SQSTM1: variants seen among roughly 807,000 people sequenced by gnomAD.
The protein encoded by SQSTM1 is sequestosome-1.
In SQSTM1, 36 loss-of-function variants were observed where a neutral mutation model predicts 45.1. That is an observed-to-expected ratio of 0.80 (90% CI 0.61 to 1.05). The LOEUF (loss-of-function observed/expected upper bound fraction) is 1.05, where lower values mean the gene tolerates loss of function less well. Ranked by LOEUF, SQSTM1 falls within the 50% of genes least tolerant of loss-of-function variation. The probability of loss-of-function intolerance (pLI) is 0.00; values close to 1 mark genes in which losing one functional copy is unlikely to be tolerated. For synonymous variants in SQSTM1, 290 were observed against 244.3 expected, an observed-to-expected ratio of 1.19 and a Z score of -1.74; for missense variants, 617 against 607.1, an observed-to-expected ratio of 1.02 and a Z score of -0.17.
intron 5 of SQSTM1, among the ~76,000 whole-genome samples, chr5:179,828,827 A>G (rs1758103484): frequency 6.6e-6 from 1 of 151,282 alleles, no homozygotes; most frequent in Admixed American, 6.6e-5. Context: ...CACAAAAAAG[A>G]AAACACCATA....
chr5:179,817,294 C>T (rs1387022285), upstream of SQSTM1, among the ~76,000 whole-genome samples: 1 of 152,220 alleles, frequency 6.6e-6, no homozygotes, highest in African/African-American at 2.4e-5. Context: ...GTGGTTCCTG[C>T]TCCGCGTCGT....
chr5:179,831,824 A>G (rs1256626834), intron 5 of SQSTM1, among the ~76,000 whole-genome samples: 1 of 150,322 alleles, frequency 6.7e-6, no homozygotes, highest in African/African-American at 2.4e-5. Flanking sequence ...TTGCTCTGTC[A>G]CCAGGCTGGA....
intron 7 of SQSTM1, among the ~76,000 whole-genome samples, chr5:179,834,345 T>C (rs1758404671): frequency 6.6e-6 from 1 of 152,062 alleles, no homozygotes; most frequent in Non-Finnish European, 1.5e-5. Flanking sequence ...CCGCTGTGTG[T>C]CTTCTCTGCC....
Position 179,823,987 on chromosome 5 carries a change from T to A in SQSTM1, c.431T>A (p.Val144Asp), listed in dbSNP as rs1442832120. 8.1e-6 allele frequency: 13 copies of A among 1,613,916 alleles called. No homozygotes were observed. Among genetic ancestry groups the A allele is most frequent in the Non-Finnish European group, 9.3e-6 (11 of 1,180,040 alleles). The change falls in exon 3 of 8, where the codon GTC becomes GAC. Residue 144 changes from valine (V) to aspartate (D), a missense_variant. By Grantham distance (152) the Val-to-Asp change is radical. Transcript: ENST00000389805. ...GTAGGAACCCGCTACAAGTGCAGCG[T>A]CTGCCCAGACTACGACTTGTGTAGC... ...PVVGTRYKCS[V>D]CPDYDLCSVC...
chr5:179,836,767 C>CTGTGTGTG lies in SQSTM1; in HGVS notation c.*181_*188dup. On this transcript the variant is annotated 3_prime_UTR_variant, in exon 8 of 8. Coordinates refer to ENST00000389805, the MANE Select transcript of SQSTM1 (RefSeq NM_003900.5). ...AACAAGTGACATGAAGGGAGGGTCCCTGTGTGTGTGTGTGCTGATGTTTCC... is the reference window on the plus strand; with the variant it reads ...AACAAGTGACATGAAGGGAGGGTCCCTGTGTGTGTGTGTGTGTGTGTGCTGATGTTTCC... 1.1e-6 allele frequency: 1 copy of CTGTGTGTG among 944,844 alleles called. No individual in the cohort carries two copies. The highest frequency in any genetic ancestry group is 1.4e-5 in the South Asian group (1 of 72,452). 58.5% of individuals were successfully genotyped at this position (944,844 alleles called of 1,614,324 possible). A position where few individuals can be genotyped will look rare whatever the true frequency, so the allele number is the denominator to read the frequency against.
In SQSTM1 at chr5:179,824,037, C is replaced by T. The variant is rs758625124; in HGVS notation, c.481C>T (p.Arg161Trp). 3.6e-5 allele frequency: 58 copies of T among 1,613,958 alleles called. No individual in the cohort carries two copies. Among genetic ancestry groups the T allele is most frequent in the Admixed American group, 3.0e-4 (18 of 60,032 alleles). ...CGTCTGCGAGGGAAAGGGCTTGCAC[C>T]GGGGGCACACCAAGCTCGCATTCCC... ...CSVCEGKGLH[R>W]GHTKLAFPSP... Residue 161 changes from arginine (R) to tryptophan (W), a missense_variant, in exon 3 of 8, where the codon CGG becomes TGG. Coordinates refer to ENST00000389805, the MANE Select transcript of SQSTM1 (RefSeq NM_003900.5).
upstream of SQSTM1, chr5:179,820,077 C>A: frequency 6.5e-6 from 1 of 152,900 alleles, no homozygotes; most frequent in Non-Finnish European, 1.5e-5. Flanking sequence ...ACTCTGGTGG[C>A]ATAAAGCAGT....
Position 179,806,461 on chromosome 5 carries a change from G to A in SQSTM1, c.-287G>A. 8.1e-7 allele frequency: 1 copy of A among 1,241,286 alleles called. No individual in the cohort carries two copies. Among genetic ancestry groups the A allele is most frequent in the African/African-American group, 1.6e-5 (1 of 62,990 alleles). 76.9% of individuals were successfully genotyped at this position (1,241,286 alleles called of 1,614,324 possible). On this transcript the variant is annotated 5_prime_UTR_variant, in exon 1 of 6. Coordinates refer to the SQSTM1 transcript ENST00000514093. This position sits in a 1 kb window ranked among gnomAD's most constrained non-coding sequence, Gnocchi z 4.6. ...CCGCCGACGCCCAGGTGCGCCAGGTGCGGGCCGGGCGGGGGTCGCGCTCAC... is the reference window on the plus strand; with the variant it reads ...CCGCCGACGCCCAGGTGCGCCAGGTACGGGCCGGGCGGGGGTCGCGCTCAC...
chr5:179,822,721 C>T (rs1757829055), intron 1 of SQSTM1: 1 of 571,042 alleles, frequency 1.8e-6, no homozygotes, highest in Non-Finnish European at 3.2e-6. Context: ...TGTGCACAGG[C>T]CCTCCGCCCC....
chr5:179,810,097 T>TAATTTA (rs1181288168), intron 1 of SQSTM1, among the ~76,000 whole-genome samples: 1 of 152,194 alleles, frequency 6.6e-6, no homozygotes, highest in Non-Finnish European at 1.5e-5. Flanking sequence ...AATTTTTTTT[T>TAATTTA]AATTTAAATT....
At position 179,824,216 on chromosome 5, in the gene SQSTM1, A is replaced by C; in HGVS notation, c.566A>C (p.Lys189Thr). The C allele has an allele frequency of 6.2e-7, 1 of 1,613,880 alleles. No homozygotes were observed. The highest frequency in any genetic ancestry group is 8.5e-7 in the Non-Finnish European group (1 of 1,180,042). The change falls in exon 4 of 8, where the codon AAA becomes ACA. Residue 189 changes from lysine (K) to threonine (T), a missense_variant. By Grantham distance (78) the Lys-to-Thr change is moderately conservative. Transcript: ENST00000389805. ...CACAGCCGCTGGCTCCGGAAGGTGA[A>C]ACACGGACACTTCGGGTGGCCAGGA... ...FSHSRWLRKV[K>T]HGHFGWPGWE...
At chr5:179,821,407 G>A in intron 1 of SQSTM1, 1 of 622,128 alleles carries the variant, frequency 1.6e-6, no homozygotes, top group South Asian at 1.6e-5. Flanking sequence ...GGGGGCTCGA[G>A]CCTGGGGGCG....
intron 2 of SQSTM1, 49 bp downstream of exon 2, chr5:179,823,102 A>G (rs367656538): frequency 1.9e-6 from 3 of 1,545,188 alleles, no homozygotes; most frequent in African/African-American, 2.7e-5. Flanking sequence ...GCTTGTACTC[A>G]GTTCCCTGCT....
In SQSTM1 at chr5:179,823,880, C is replaced by A. The variant is rs1282484160; in HGVS notation, c.324C>A (p.Asp108Glu). ...YIKEKKECRR[D>E]HRPPCAQEAP... ...TAGAGAAAAAAGAGTGCCGGCGGGA[C>A]CACCGCCCACCGTGTGCTCAGGAGG... Residue 108 changes from aspartate to glutamate, a missense_variant, in exon 3 of 8, where the codon GAC becomes GAA. Transcript: ENST00000389805. The A allele has an allele frequency of 1.2e-6, 2 of 1,612,552 alleles. No individual in the cohort carries two copies. The highest frequency in any genetic ancestry group is 1.7e-6 in the Non-Finnish European group (2 of 1,180,010).
intron 2 of SQSTM1, chr5:179,812,405 A>G (rs1226356038): frequency 1.3e-5 from 2 of 152,156 alleles, no homozygotes; most frequent in Non-Finnish European, 2.9e-5. Flanking sequence ...ATGGAATCCT[A>G]GGTTTTCAGC....
At chr5:179,823,755 G>T in intron 2 of SQSTM1, 103 bp from the exon 3 acceptor site, 2 of 1,292,686 alleles carry the variant, frequency 1.5e-6, no homozygotes, top group Non-Finnish European at 2.2e-6. Flanking sequence ...ATGCTGGAGA[G>T]CAGGGCCGGG....
At chr5:179,812,829 G>C (rs1562638360) in intron 2 of SQSTM1, 1 of 152,178 alleles carries the variant, frequency 6.6e-6, no homozygotes, top group Non-Finnish European at 1.5e-5. Context: ...GCTCTTCCAA[G>C]GTTGAGGGTT....
intron 1 of SQSTM1, chr5:179,807,492 A>G (rs902921234): frequency 2.0e-5 from 3 of 152,122 alleles, no homozygotes; most frequent in Non-Finnish European, 4.4e-5. Context: ...CCAGAACCGT[A>G]CCGGCTTCCC....
chr5:179,813,997 T>C (rs1407865484), upstream of SQSTM1, among the ~76,000 whole-genome samples: 1 of 152,190 alleles, frequency 6.6e-6, no homozygotes, highest in Non-Finnish European at 1.5e-5. Flanking sequence ...AACCTCCTAG[T>C]ACACGAATAA....
Sources: allele counts gnomAD v4.1 joint callset (sites outside exome capture counted in the v4.1 genomes callset), GRCh38; gene constraint gnomAD v4.1.1; non-coding constraint Gnocchi (gnomAD v3.1); transcripts MANE v1.5; gene names NCBI Gene and HGNC (gene_info 2026-07-23, HGNC 2026-07-21).